The following GLMN variants were observed in gnomAD, a reference collection of about 807,000 sequenced individuals.
GLMN encodes glomulin, FKBP associated protein, also known as glomulin.
GLMN carries 75 observed loss-of-function variants against 87.8 expected under a neutral mutation model. The observed-to-expected ratio is 0.85, with a 90% CI of 0.71 to 1.04. The LOEUF (loss-of-function observed/expected upper bound fraction) is 1.04. Among genes scored for constraint, GLMN ranks in the 50% least tolerant of loss-of-function variants. GLMN has a pLI of 0.00. For synonymous variants in GLMN, 206 were observed against 221.6 expected, an observed-to-expected ratio of 0.93 and a Z score of 0.63; for missense variants, 588 against 658.8, an observed-to-expected ratio of 0.89 and a Z score of 1.18.
At chr1:92,343,924 A>G in the GLMN span, among the ~76,000 whole-genome samples, 1 of 152,170 alleles carries the variant, frequency 6.6e-6, no homozygotes, top group East Asian at 1.9e-4. Context: ...TTTCAGATGG[A>G]CGGAATAGCT....
chr1:92,311,446 A>T, the GLMN span, among the ~76,000 whole-genome samples: 1 of 152,254 alleles, frequency 6.6e-6, no homozygotes, highest in African/African-American at 2.4e-5. Context: ...GAATAAAGTT[A>T]CTGACTTTAA....
At chr1:92,263,797 C>T in intron 14 of GLMN, 65 bp from the exon 15 acceptor site, 1 of 807,766 alleles carries the variant, frequency 1.2e-6, no homozygotes, top group South Asian at 1.3e-5. Flanking sequence ...TTTTCTAATA[C>T]CTTGACACTA....
At chr1:92,354,599 A>G in the GLMN span, among the ~76,000 whole-genome samples, 1 of 152,210 alleles carries the variant, frequency 6.6e-6, no homozygotes, top group Non-Finnish European at 1.5e-5. Context: ...TAAAGCATTA[A>G]ATGCAAACAT....
chr1:92,295,049 G>C (rs891607778), intron 3 of GLMN, among the ~76,000 whole-genome samples: 3 of 152,212 alleles, frequency 2.0e-5, no homozygotes, highest in African/African-American at 7.2e-5. Context: ...TATTGCAAAG[G>C]TGATTCTCAA....
At chr1:92,298,663 C>T in intron 1 of GLMN, among the ~76,000 whole-genome samples, 1 of 152,198 alleles carries the variant, frequency 6.6e-6, no homozygotes, top group East Asian at 1.9e-4. Context: ...ATCGCTTCTC[C>T]TGGCGGCAAG....
At chr1:92,288,295 A>G (rs899065428) in intron 6 of GLMN, among the ~76,000 whole-genome samples, 2 of 152,098 alleles carry the variant, frequency 1.3e-5, no homozygotes, top group African/African-American at 2.4e-5. Flanking sequence ...AGAGCTACCT[A>G]TATCTATTTC....
At chr1:92,250,866 C>T (rs1312989012) in intron 16 of GLMN, among the ~76,000 whole-genome samples, 1 of 151,978 alleles carries the variant, frequency 6.6e-6, no homozygotes, top group East Asian at 1.9e-4. Flanking sequence ...AAAATATAAC[C>T]TTCTAGCTAT....
Position 92,246,600 on chromosome 1 carries a change from A to G in GLMN, c.1715T>C (p.Leu572Pro), listed in dbSNP as rs1652698024. The G allele has an allele frequency of 1.3e-6, 2 of 1,598,468 alleles. No homozygotes were observed. Among genetic ancestry groups the G allele is most frequent in the Non-Finnish European group, 1.7e-6 (2 of 1,165,764 alleles). The change falls in exon 19 of 19, where the codon CTA becomes CCA. Residue 572 changes from leucine (L) to proline (P), a missense_variant. Leu to Pro is a moderately conservative substitution (Grantham distance 98, BLOSUM62 -3). Coordinates refer to ENST00000370360, the MANE Select transcript of GLMN (RefSeq NM_053274.3). ...TTCAATGAGTTCTTCCACTCGAGCT[A>G]GAACACTTTCAATCAAATCAAATGT... ...LFTFDLIESV[L>P]ARVEELIEIK...
intron 7 of GLMN, among the ~76,000 whole-genome samples, chr1:92,277,067 A>G (rs925418676): frequency 2.0e-5 from 3 of 152,160 alleles, no homozygotes; most frequent in Non-Finnish European, 4.4e-5. Context: ...AAATCCAATC[A>G]ATGACCAAAT....
chr1:92,287,284 C>G (rs899387259), intron 6 of GLMN, among the ~76,000 whole-genome samples: 2 of 152,150 alleles, frequency 1.3e-5, no homozygotes, highest in Non-Finnish European at 2.9e-5. Context: ...TGTGATTAAG[C>G]CTTTCCTATT....
chr1:92,264,629 C>A lies in GLMN; in HGVS notation c.1224G>T (p.Leu408Phe). The change falls in exon 14 of 19, where the codon TTG (leucine) becomes TTT (phenylalanine). Residue 408 changes from leucine (L) to phenylalanine (F), a missense_variant. Coordinates refer to ENST00000370360, the MANE Select transcript of GLMN (RefSeq NM_053274.3). Reference sequence around the variant, plus strand: ...CCACACCTGAGTGATTACTTGTATTCAATAAGCACCTTGAAAGCAAAATTA... The same window carrying A: ...CCACACCTGAGTGATTACTTGTATTAAATAAGCACCTTGAAAGCAAAATTA... ...QGKYTLFRCL[L>F]NTSNHSGVEA... The A allele has an allele frequency of 6.4e-7, 1 of 1,562,732 alleles. No individual in the cohort carries two copies. Among genetic ancestry groups the A allele is most frequent in the South Asian group, 1.1e-5 (1 of 90,026 alleles).
chr1:92,336,357 C>T, the GLMN span: 4 of 1,604,406 alleles, frequency 2.5e-6, no homozygotes, highest in South Asian at 3.4e-5. Flanking sequence ...GTTGCCTGGG[C>T]TTCTGGTTCC....
the GLMN span, among the ~76,000 whole-genome samples, chr1:92,323,192 G>A: frequency 2.7e-5 from 4 of 149,848 alleles, no homozygotes; most frequent in African/African-American, 9.8e-5. Context: ...AATAATTGGG[G>A]GAAAAAGATG....
the GLMN span, among the ~76,000 whole-genome samples, chr1:92,341,156 A>G: frequency 2.6e-4 from 40 of 152,018 alleles, 1 homozygote; most frequent in South Asian, 8.3e-3. Flanking sequence ...CTACAGACAC[A>G]CACCAGCATG....
chr1:92,262,784 G>A, intron 16 of GLMN, 79 bp downstream of exon 16: 1 of 700,824 alleles, frequency 1.4e-6, no homozygotes, highest in Non-Finnish European at 2.7e-6. Flanking sequence ...TTAAATATTG[G>A]CTTTAGGTAC....
At chr1:92,354,680 C>A in the GLMN span, among the ~76,000 whole-genome samples, 1 of 151,936 alleles carries the variant, frequency 6.6e-6, no homozygotes, top group Non-Finnish European at 1.5e-5. Context: ...TTCTTATAAT[C>A]AAAGTTTTTA....
intron 7 of GLMN, among the ~76,000 whole-genome samples, chr1:92,273,494 G>A (rs1175836899): frequency 6.7e-6 from 1 of 149,058 alleles, no homozygotes; most frequent in Non-Finnish European, 1.5e-5. Flanking sequence ...ACTCAGGCTG[G>A]AGTGTAGTGG....
upstream of GLMN, among the ~76,000 whole-genome samples, chr1:92,303,272 C>T (rs889283402): frequency 5.9e-5 from 9 of 152,156 alleles, no homozygotes; most frequent in South Asian, 2.1e-4. Context: ...TTGATGACAC[C>T]AGAAAAGACA....
At chr1:92,333,720 C>G in the GLMN span, among the ~76,000 whole-genome samples, 2 of 152,104 alleles carry the variant, frequency 1.3e-5, no homozygotes, top group South Asian at 4.1e-4. Flanking sequence ...GTTTAGAAGA[C>G]CAAACTACCT....
Sources: gnomAD v4.1 joint callset for allele counts (sites outside exome capture counted in the v4.1 genomes callset) on GRCh38, gnomAD v4.1.1 for gene constraint, MANE v1.5 for transcripts, NCBI Gene and HGNC (gene_info 2026-07-23, HGNC 2026-07-21) for gene names.